Variants in NXNL2 observed in about 807,000 individuals in gnomAD.
NXNL2 encodes nucleoredoxin-like protein 2.
In NXNL2, 7 loss-of-function variants were observed where a neutral mutation model predicts 11.1. The ratio of observed to expected loss-of-function variants is 0.63; its 90% confidence interval spans 0.36 to 1.18. The LOEUF (loss-of-function observed/expected upper bound fraction) is 1.18, where lower values mean the gene tolerates loss of function less well. Among genes scored for constraint, NXNL2 ranks in the 50% most tolerant of loss-of-function variants. The pLI is 0.02. For synonymous variants in NXNL2, 109 were observed against 101.8 expected (o/e 1.07, Z -0.42); for missense variants, 233 against 217.7 (o/e 1.07, Z -0.44).
Position 88,535,687 on chromosome 9 carries a change from G to A in NXNL2, c.253G>A (p.Glu85Lys), listed in dbSNP as rs1297897413. Residue 85 changes from glutamate to lysine, a missense_variant, in exon 1 of 2, where the codon GAG becomes AAG. Glu to Lys is a moderately conservative substitution (Grantham distance 56, BLOSUM62 1). Coordinates refer to ENST00000375854, the MANE Select transcript of NXNL2 (RefSeq NM_001161625.2). ...SSQEMLDFMR[E>K]LHGAWLALPF... Reference sequence around the variant, plus strand: ...CCAGGAGATGCTGGACTTCATGCGCGAGCTGCATGGCGCCTGGCTGGCGCT... The same window carrying A: ...CCAGGAGATGCTGGACTTCATGCGCAAGCTGCATGGCGCCTGGCTGGCGCT... 6.2e-7 allele frequency: 1 copy of A among 1,602,518 alleles called. No individual in the cohort carries two copies. The highest frequency in any genetic ancestry group is 1.1e-5 in the South Asian group (1 of 90,692).
chr9:88,584,470 C>A (rs1443094661), downstream of NXNL2, among the ~76,000 whole-genome samples: 1 of 152,170 alleles, frequency 6.6e-6, no homozygotes, highest in Non-Finnish European at 1.5e-5. Flanking sequence ...GGAATTCCAG[C>A]CTCCAGAACA....
intron 1 of NXNL2, among the ~76,000 whole-genome samples, chr9:88,556,579 A>G (rs1008907754): frequency 2.6e-5 from 4 of 152,118 alleles, no homozygotes; most frequent in Admixed American, 2.0e-4. Flanking sequence ...TTGACTGGCT[A>G]TAAAAGCATC....
intron 1 of NXNL2, among the ~76,000 whole-genome samples, chr9:88,550,114 G>A (rs1401835586): frequency 9.2e-5 from 14 of 152,028 alleles, no homozygotes; most frequent in Admixed American, 9.2e-4. Flanking sequence ...CACAGTGCCC[G>A]GCCTGCCACA....
rs188774773 is a variant in NXNL2, at chr9:88,574,550, T to C, written c.*17-537T>C. ...AAATGATTGCATTCTTTTGAGTTTC[T>C]GATTAGTTGTTCCAAAGGAAGCAAT... On this transcript the variant is annotated intron_variant, in intron 2 of 2. Transcript: ENST00000375855. Among the ~76,000 whole-genome samples, 543 of 152,324 alleles carry C rather than the reference T, an allele frequency of 3.6e-3. 7 individuals carry two copies. Among genetic ancestry groups the C allele is most frequent in the African/African-American group, 0.012 (513 of 41,566 alleles).
chr9:88,546,481 T>A (rs946082568), downstream of NXNL2, among the ~76,000 whole-genome samples: 1 of 145,066 alleles, frequency 6.9e-6, no homozygotes, highest in African/African-American at 2.5e-5. Context: ...AGCGGCACCA[T>A]CTTGGCTCAC....
At position 88,566,985 on chromosome 9, in the gene NXNL2, T is replaced by TATCTA. The variant is rs1830181315; in HGVS notation, c.303-4101_303-4097dup. ...TTCTATTATCTATCATCTATCTATC[T>TATCTA]ATCTATCTATCTATCTATCTATCTA... On this transcript the variant is annotated intron_variant, in intron 1 of 2. Coordinates refer to the NXNL2 transcript ENST00000375855. Among the ~76,000 whole-genome samples the TATCTA allele has an allele frequency of 1.3e-4, 19 of 148,324 alleles. No individual in the cohort carries two copies. In the South Asian group the frequency reaches 3.9e-3, roughly 31 times the overall value.
At chr9:88,553,233 C>T (rs1232080949) in intron 1 of NXNL2, among the ~76,000 whole-genome samples, 1 of 152,182 alleles carries the variant, frequency 6.6e-6, no homozygotes, top group Non-Finnish European at 1.5e-5. Flanking sequence ...GTAATCCCAG[C>T]TACTCAGGAG....
chr9:88,553,298 AT>A (rs920466682), intron 1 of NXNL2, among the ~76,000 whole-genome samples: 1 of 152,088 alleles, frequency 6.6e-6, no homozygotes, highest in African/African-American at 2.4e-5. Flanking sequence ...GTGAGCTGAG[AT>A]TGTGCCATTG....
Position 88,535,414 on chromosome 9 carries a change from AGGT to A in NXNL2, c.-18_-16del. On this transcript the variant is annotated 5_prime_UTR_variant, in exon 1 of 2. Transcript: ENST00000375854. The stretch of plus-strand genomic sequence containing the variant: ...CCTCCTGCAGGTGTCCTCGGGTCTC[AGGT>A]GGCTGCGTGTCTGCGCCATGGTTGA... The A allele has an allele frequency of 1.3e-6, 2 of 1,573,400 alleles. No homozygotes were observed. Among genetic ancestry groups the A allele is most frequent in the Non-Finnish European group, 1.7e-6 (2 of 1,164,204 alleles).
chr9:88,579,857 G>A (rs139579282), downstream of NXNL2, among the ~76,000 whole-genome samples: 759 of 152,196 alleles, frequency 5.0e-3, 8 homozygotes, highest in African/African-American at 0.017. Context: ...ATGGGAGGGC[G>A]CGGTGGCTCA....
downstream of NXNL2, among the ~76,000 whole-genome samples, chr9:88,578,771 A>G (rs571778017): frequency 6.6e-6 from 1 of 152,228 alleles, no homozygotes; most frequent in Non-Finnish European, 1.5e-5. Context: ...CTCAGCCTCG[A>G]CTGGGGCTCA....
intron 1 of NXNL2, among the ~76,000 whole-genome samples, chr9:88,553,815 G>A (rs1474739457): frequency 6.6e-6 from 1 of 152,002 alleles, no homozygotes; most frequent in East Asian, 1.9e-4. Flanking sequence ...CAGTGATAAG[G>A]CATAAGAGAC....
chr9:88,549,982 G>A lies in NXNL2; in HGVS notation c.302+14246G>A, dbSNP rs150904134. ...TGCGATTACAGGCATGGGCCACCAC[G>A]CCTGGCCAATTTTTTTGTATTTTTA... On this transcript the variant is annotated intron_variant, in intron 1 of 2. Coordinates refer to the NXNL2 transcript ENST00000375855. Among the ~76,000 whole-genome samples the A allele has an allele frequency of 2.3e-3, 346 of 152,132 alleles. 4 individuals carry two copies. Among genetic ancestry groups the A allele is most frequent in the African/African-American group, 8.1e-3 (336 of 41,500 alleles).
At chr9:88,547,495 C>A (rs988053570), downstream of NXNL2, among the ~76,000 whole-genome samples, 2 of 152,212 alleles carry the variant, frequency 1.3e-5, no homozygotes, top group Non-Finnish European at 2.9e-5. Context: ...AGAGGGGTGA[C>A]ACAGAGCTCA....
At chr9:88,537,364 A>G (rs944700633) in intron 1 of NXNL2, among the ~76,000 whole-genome samples, 3 of 152,162 alleles carry the variant, frequency 2.0e-5, no homozygotes, top group Non-Finnish European at 2.9e-5. Flanking sequence ...GCTTGGGGCC[A>G]TGGAGACTGC....
chr9:88,578,976 C>T (rs558119647), downstream of NXNL2, among the ~76,000 whole-genome samples: 2 of 152,308 alleles, frequency 1.3e-5, no homozygotes, highest in Non-Finnish European at 2.9e-5. Context: ...CTCTGCTCCC[C>T]GCCCAGGAAC....
chr9:88,540,192 C>T (rs1373435796), intron 1 of NXNL2, among the ~76,000 whole-genome samples: 1 of 151,932 alleles, frequency 6.6e-6, no homozygotes, highest in African/African-American at 2.4e-5. Context: ...ATTAGCCAGG[C>T]ATGGTGGCGG....
chr9:88,560,138 C>T (rs543466310), intron 1 of NXNL2, among the ~76,000 whole-genome samples: 5 of 152,080 alleles, frequency 3.3e-5, no homozygotes, highest in Non-Finnish European at 7.4e-5. Flanking sequence ...AAACAATTCC[C>T]AGTAAATTCT....
intron 1 of NXNL2, among the ~76,000 whole-genome samples, chr9:88,541,624 C>T (rs1829763593): frequency 2.0e-5 from 3 of 152,068 alleles, no homozygotes; most frequent in African/African-American, 7.2e-5. Context: ...TATTGGTCAC[C>T]CCATGTTGGT....
Sources: allele counts gnomAD v4.1 joint callset (sites outside exome capture counted in the v4.1 genomes callset), GRCh38; gene constraint gnomAD v4.1.1; transcripts MANE v1.5; gene names NCBI Gene and HGNC (gene_info 2026-07-23, HGNC 2026-07-21).